The following OR1J2 variants were observed in gnomAD, a reference collection of about 807,000 sequenced individuals.
The protein encoded by OR1J2 is olfactory receptor 1J2.
For synonymous variants in OR1J2, 142 were observed against 99.7 expected, an observed-to-expected ratio of 1.42 and a Z score of -2.52; for missense variants, 304 against 246.1, an observed-to-expected ratio of 1.24 and a Z score of -1.57.
At chr9:122,574,797 G>T in the OR1J2 span, among the ~76,000 whole-genome samples, 1 of 152,014 alleles carries the variant, frequency 6.6e-6, no homozygotes, top group African/African-American at 2.4e-5. Context: ...CTAGTTTCTC[G>T]CCATCATGTA....
chr9:122,559,699 T>TA, the OR1J2 span, among the ~76,000 whole-genome samples: 88,221 of 151,936 alleles, frequency 0.58, 26,122 homozygotes, highest in East Asian at 0.97. Context: ...TGTTTGTTAT[T>TA]TTTCAGTTCT....
chr9:122,484,739 G>A, the OR1J2 span, among the ~76,000 whole-genome samples: 1 of 152,270 alleles, frequency 6.6e-6, no homozygotes, highest in South Asian at 2.1e-4. Flanking sequence ...AGGACAAGAA[G>A]ACAGAGTGTA....
the OR1J2 span, chr9:122,527,035 G>A: frequency 6.2e-7 from 1 of 1,614,200 alleles, no homozygotes; most frequent in Non-Finnish European, 8.5e-7. Flanking sequence ...ATGGTGTGAT[G>A]CCGAGTCTGT....
At chr9:122,469,004 T>C in the OR1J2 span, among the ~76,000 whole-genome samples, 1 of 152,228 alleles carries the variant, frequency 6.6e-6, no homozygotes, top group Non-Finnish European at 1.5e-5. Flanking sequence ...GGTTTACAGA[T>C]GGCTCACATT....
chr9:122,448,570 C>G, the OR1J2 span, among the ~76,000 whole-genome samples: 3 of 152,148 alleles, frequency 2.0e-5, no homozygotes, highest in Admixed American at 2.0e-4. Flanking sequence ...TCCAGGCTAT[C>G]TCAGTAGGGA....
chr9:122,496,767 G>T, the OR1J2 span, among the ~76,000 whole-genome samples: 1 of 152,086 alleles, frequency 6.6e-6, no homozygotes, highest in Non-Finnish European at 1.5e-5. Flanking sequence ...TGCATTTTTT[G>T]AGTTTCTTAT....
the OR1J2 span, among the ~76,000 whole-genome samples, chr9:122,486,617 A>G: frequency 1.3e-5 from 2 of 152,242 alleles, no homozygotes; most frequent in African/African-American, 4.8e-5. Context: ...TGTGAATAAT[A>G]ATATAGGCCA....
downstream of OR1J2, among the ~76,000 whole-genome samples, chr9:122,514,205 A>G (rs1828671850): frequency 6.6e-6 from 1 of 152,066 alleles, no homozygotes; most frequent in African/African-American, 2.4e-5. Context: ...GGTATATTGC[A>G]TGATGCTGAG....
At chr9:122,540,433 C>T in the OR1J2 span, among the ~76,000 whole-genome samples, 124 of 152,074 alleles carry the variant, frequency 8.2e-4, 2 homozygotes, top group East Asian at 0.019. Context: ...TGTAGATATG[C>T]GGCATTATTT....
chr9:122,550,158 A>T, the OR1J2 span, among the ~76,000 whole-genome samples: 38 of 152,160 alleles, frequency 2.5e-4, no homozygotes, highest in African/African-American at 8.9e-4. Context: ...CCTTGAGGAA[A>T]TGGATAAATT....
chr9:122,451,882 A>AT, the OR1J2 span, among the ~76,000 whole-genome samples: 3 of 150,658 alleles, frequency 2.0e-5, no homozygotes, highest in African/African-American at 2.4e-5. Context: ...CCAAGGAGTA[A>AT]TTTTTTTTTT....
At chr9:122,465,246 G>C in the OR1J2 span, among the ~76,000 whole-genome samples, 1 of 152,172 alleles carries the variant, frequency 6.6e-6, no homozygotes. Context: ...CAGGCAATGA[G>C]AGTGCAGATT....
chr9:122,450,559 C>T, the OR1J2 span, among the ~76,000 whole-genome samples: 1 of 152,180 alleles, frequency 6.6e-6, no homozygotes, highest in East Asian at 1.9e-4. Context: ...AGCTAATTAT[C>T]ATATAATCAC....
upstream of OR1J2, among the ~76,000 whole-genome samples, chr9:122,509,638 A>G (rs773690530): frequency 7.2e-4 from 109 of 152,310 alleles, no homozygotes; most frequent in Middle Eastern, 6.8e-3. Context: ...GTGCCTTCCC[A>G]CAAGGTTGGA....
chr9:122,547,233 T>C, the OR1J2 span, among the ~76,000 whole-genome samples: 1 of 152,098 alleles, frequency 6.6e-6, no homozygotes, highest in African/African-American at 2.4e-5. Flanking sequence ...TAAAAAGGCA[T>C]GAACACCCCA....
At chr9:122,477,654 G>A in the OR1J2 span, 16 of 1,614,088 alleles carry the variant, frequency 9.9e-6, no homozygotes, top group African/African-American at 2.7e-5. Context: ...TGTAAAAGAC[G>A]GCTAGGTGCT....
the OR1J2 span, chr9:122,567,406 G>C: frequency 5.1e-6 from 3 of 585,570 alleles, no homozygotes; most frequent in Non-Finnish European, 8.9e-6. Context: ...CATCATCAAT[G>C]GATGTAAGTG....
chr9:122,485,210 A>G, the OR1J2 span, among the ~76,000 whole-genome samples: 1 of 152,186 alleles, frequency 6.6e-6, no homozygotes, highest in Non-Finnish European at 1.5e-5. Flanking sequence ...TTCAGTAACT[A>G]CAGCAAAGTA....
At chr9:122,526,615 G>A in the OR1J2 span, 61 of 1,614,160 alleles carry the variant, frequency 3.8e-5, no homozygotes, top group Middle Eastern at 1.6e-4. Flanking sequence ...CCACGGGTTC[G>A]GACCCTCAGG....
Sources: allele counts gnomAD v4.1 joint callset (sites outside exome capture counted in the v4.1 genomes callset), GRCh38; gene constraint gnomAD v4.1.1; transcripts MANE v1.5; gene names NCBI Gene and HGNC (gene_info 2026-07-23, HGNC 2026-07-21).